The following DYNC1H1 variants were observed in gnomAD, a reference collection of about 807,000 sequenced individuals.
DYNC1H1 encodes the protein cytoplasmic dynein 1 heavy chain 1.
A neutral mutation model predicts 527.1 loss-of-function variants in DYNC1H1; 51 were observed. That is an observed-to-expected ratio of 0.10 (90% CI 0.08 to 0.12). The LOEUF is 0.12. Among genes scored for constraint, DYNC1H1 ranks in the 10% least tolerant of loss-of-function variants. The probability of loss-of-function intolerance (pLI) is 1.00; values close to 1 mark genes in which losing one functional copy is unlikely to be tolerated. For missense variants in DYNC1H1, 2,771 were observed against 5,971.8 expected, an observed-to-expected ratio of 0.46 and a Z score of 17.66; for synonymous variants, 2,189 against 2,278.8, an observed-to-expected ratio of 0.96 and a Z score of 1.12.
intron 10 of DYNC1H1, among the ~76,000 whole-genome samples, chr14:101,989,900 A>G (rs1190572924): frequency 6.6e-6 from 1 of 152,156 alleles, no homozygotes; most frequent in East Asian, 1.9e-4. Context: ...ACAATACCAT[A>G]TTTTTACTGT....
Position 102,049,694 on chromosome 14 carries a change from G to A in DYNC1H1, c.13516-20G>A. The A allele has an allele frequency of 6.2e-7, 1 of 1,613,882 alleles. No individual in the cohort carries two copies. Among genetic ancestry groups the A allele is most frequent in the Non-Finnish European group, 8.5e-7 (1 of 1,180,032 alleles). On this transcript the variant is annotated intron_variant, in intron 75 of 77. Coordinates refer to ENST00000360184, the MANE Select transcript of DYNC1H1 (RefSeq NM_001376.5). The surrounding 1 kb of genome is among the most constrained non-coding windows in gnomAD (Gnocchi z 5.5). ...GGTCTGACCTGAGCTCCTTCCCCTGGGGGCTGCTGCTTTCCACAGAACATC... is the reference window on the plus strand; with the variant it reads ...GGTCTGACCTGAGCTCCTTCCCCTGAGGGCTGCTGCTTTCCACAGAACATC...
In DYNC1H1 at chr14:101,986,920, G is replaced by A. The variant is rs749337050; in HGVS notation, c.2538+157G>A. Among the ~76,000 whole-genome samples, 3 of 152,198 alleles carry A rather than the reference G, an allele frequency of 2.0e-5. No individual in the cohort carries two copies. The highest frequency in any genetic ancestry group is 4.1e-4 in the South Asian group (2 of 4,830). On this transcript the variant is annotated intron_variant, in intron 8 of 77. Transcript: ENST00000360184. The surrounding 1 kb of genome is among the most constrained non-coding windows in gnomAD (Gnocchi z 8.7). ...GGGAGGAGGACCCTTTGTACTCACC[G>A]GGCTATTTAATGGTGCTGGGTTTTA...
chr14:101,968,100 C>A (rs904723277), intron 1 of DYNC1H1, among the ~76,000 whole-genome samples: 1 of 152,092 alleles, frequency 6.6e-6, no homozygotes, highest in Non-Finnish European at 1.5e-5. Context: ...CTTCAAGGAC[C>A]ATTTTTTGGT....
At position 102,005,370 on chromosome 14, in the gene DYNC1H1, C is replaced by CT; in HGVS notation, c.5433+135dup. The CT allele has an allele frequency of 7.9e-7, 1 of 1,263,892 alleles. No individual in the cohort carries two copies. Among genetic ancestry groups the CT allele is most frequent in the African/African-American group, 1.5e-5 (1 of 68,304 alleles). The allele number at this position is 1,263,892 out of a possible 1,614,324, so 78.3% of individuals were successfully genotyped here. On this transcript the variant is annotated intron_variant, in intron 26 of 77. Coordinates refer to ENST00000360184, the MANE Select transcript of DYNC1H1 (RefSeq NM_001376.5). The surrounding 1 kb of genome is among the most constrained non-coding windows in gnomAD (Gnocchi z 4.0). ...ACAGTGGATGGTGTATGGATATCCT[C>CT]TGAGGGTGGGCATTTGGCTCCCTGT...
Position 102,042,832 on chromosome 14 carries a change from GC to G in DYNC1H1, c.12513+89del. 7 of 1,481,302 alleles carry G rather than the reference GC, an allele frequency of 4.7e-6. No individual in the cohort carries two copies. The highest frequency in any genetic ancestry group is 1.9e-4 in the Middle Eastern group (1 of 5,206). The allele number at this position is 1,481,302 out of a possible 1,614,324, so 91.8% of individuals were successfully genotyped here. On this transcript the variant is annotated intron_variant, in intron 69 of 77. Coordinates refer to ENST00000360184, the MANE Select transcript of DYNC1H1 (RefSeq NM_001376.5). This position sits in a 1 kb window ranked among gnomAD's most constrained non-coding sequence, Gnocchi z 5.7. The stretch of plus-strand genomic sequence containing the variant: ...ACCAAATGCAGAAGTGGGTCCCTGG[GC>G]CCCCGGAAGTGCCGTGTGGTGAACT...
At chr14:101,991,786 TC>T in intron 11 of DYNC1H1, 113 bp downstream of exon 11, 1 of 1,466,646 alleles carries the variant, frequency 6.8e-7, no homozygotes. Flanking sequence ...GTTTACAAAC[TC>T]CAGACATCCC....
chr14:101,982,751 G>GAAAGC (rs2047883402), intron 5 of DYNC1H1, among the ~76,000 whole-genome samples: 1 of 126,946 alleles, frequency 7.9e-6, no homozygotes, highest in Non-Finnish European at 1.6e-5. Context: ...CACTGATATA[G>GAAAGC]AAAGCAAAGC....
intron 42 of DYNC1H1, 47 bp from the exon 43 acceptor site, chr14:102,022,704 C>T (rs1595620775): frequency 6.2e-7 from 1 of 1,613,458 alleles, no homozygotes; most frequent in South Asian, 1.1e-5. Flanking sequence ...GGTGCTTCTT[C>T]ACCGTGCCCT....
Position 102,011,743 on chromosome 14 carries a change from C to A in DYNC1H1, c.6619-132C>A. 2 of 939,408 alleles carry A rather than the reference C, an allele frequency of 2.1e-6. No individual in the cohort carries two copies. The highest frequency in any genetic ancestry group is 3.3e-6 in the Non-Finnish European group (2 of 604,478). 58.2% of individuals were successfully genotyped at this position (939,408 alleles called of 1,614,324 possible). Reference sequence around the variant, plus strand: ...TTCCAGTCTGGGTGACAGAGAGAGACTCCGTTTCAGGAAAAAAAAAAAAAT... The same window carrying A: ...TTCCAGTCTGGGTGACAGAGAGAGAATCCGTTTCAGGAAAAAAAAAAAAAT... On this transcript the variant is annotated intron_variant, in intron 32 of 77. Transcript: ENST00000360184. The surrounding 1 kb of genome is among the most constrained non-coding windows in gnomAD (Gnocchi z 5.3).
In DYNC1H1 at chr14:102,017,366, C is replaced by T; in HGVS notation, c.8056-17C>T. The T allele has an allele frequency of 6.2e-7, 1 of 1,614,230 alleles. No individual in the cohort carries two copies. The highest frequency in any genetic ancestry group is 8.5e-7 in the Non-Finnish European group (1 of 1,180,042). On this transcript the variant is annotated splice_polypyrimidine_tract_variant and intron_variant, in intron 39 of 77. Transcript: ENST00000360184. This position sits in a 1 kb window ranked among gnomAD's most constrained non-coding sequence, Gnocchi z 4.6. The stretch of plus-strand genomic sequence containing the variant: ...TTCAAGTTTTGCTCTTAATGTGGTA[C>T]CTGTCCCTTCCTTCAGATGGTGGAG...
rs2047649469 is a variant in DYNC1H1, at chr14:101,965,056, C to T, written c.256+109C>T. ...CCCCGGGATGGGAGGAGCCCGGCAG[C>T]TGCAGATGACCCCTGGATGGGCAGA... On this transcript the variant is annotated intron_variant, in intron 1 of 77. Transcript: ENST00000360184. The surrounding 1 kb of genome is among the most constrained non-coding windows in gnomAD (Gnocchi z 4.1). 2 of 1,225,594 alleles carry T rather than the reference C, an allele frequency of 1.6e-6. No individual in the cohort carries two copies. The highest frequency in any genetic ancestry group is 2.6e-5 in the East Asian group (1 of 38,222). The allele number at this position is 1,225,594 out of a possible 1,614,324, so 75.9% of individuals were successfully genotyped here.
Position 102,038,139 on chromosome 14 carries a change from C to T in DYNC1H1, c.10909-321C>T, listed in dbSNP as rs754177012. On this transcript the variant is annotated intron_variant, in intron 57 of 77. Transcript: ENST00000360184. This position sits in a 1 kb window ranked among gnomAD's most constrained non-coding sequence, Gnocchi z 7.2. ...ACTACAGGCATGTGCCATACACCCC[C>T]AGCTAACTTTCGTATTTTTAGTAGA... 1 of 385,782 alleles carries T rather than the reference C, an allele frequency of 2.6e-6. No individual in the cohort carries two copies. The highest frequency in any genetic ancestry group is 5.0e-6 in the Non-Finnish European group (1 of 200,956). 23.9% of individuals were successfully genotyped at this position (385,782 alleles called of 1,614,324 possible). A position where few individuals can be genotyped will look rare whatever the true frequency, so the allele number is the denominator to read the frequency against.
chr14:102,007,637 A>G (rs2048211909), intron 28 of DYNC1H1, among the ~76,000 whole-genome samples: 1 of 152,162 alleles, frequency 6.6e-6, no homozygotes, highest in African/African-American at 2.4e-5. Context: ...TAGTATTCCC[A>G]TTTCACAGAT....
chr14:101,987,733 A>G, intron 9 of DYNC1H1, 101 bp downstream of exon 9: 1 of 1,366,248 alleles, frequency 7.3e-7, no homozygotes, highest in Non-Finnish European at 1.0e-6. Flanking sequence ...CTTGGAAATT[A>G]TCTGTGATAG....
chr14:102,041,796 G>A lies in DYNC1H1; in HGVS notation c.12102+62G>A. ...TCCATGCCCACCTCCCCAGCCACAG[G>A]TGGCAGCAGCCCTGGCATCTGCTCT... On this transcript the variant is annotated intron_variant, in intron 65 of 77. Coordinates refer to ENST00000360184, the MANE Select transcript of DYNC1H1 (RefSeq NM_001376.5). The surrounding 1 kb of genome is among the most constrained non-coding windows in gnomAD (Gnocchi z 4.5). The A allele has an allele frequency of 6.2e-7, 1 of 1,611,102 alleles. No individual in the cohort carries two copies.
chr14:102,030,208 T>C lies in DYNC1H1; in HGVS notation c.9809T>C (p.Val3270Ala). The change falls in exon 51 of 78, where the codon GTA becomes GCA. Residue 3270 changes from valine to alanine, a missense_variant. By Grantham distance (64) the Val-to-Ala change is moderately conservative (BLOSUM62 0). Around this residue, in one of 32 missense-constraint regions of DYNC1H1, gnomAD observed 30 missense variants for 117.8 expected, o/e 0.25. Transcript: ENST00000360184. ...IQEQLHKQQE[V>A]IADKQMSVKE... ...GAACAGCTGCATAAGCAGCAGGAGG[T>C]AATTGCAGACAAACAGATGAGTGTC... 1 of 1,613,992 alleles carries C rather than the reference T, an allele frequency of 6.2e-7. No homozygotes were observed.
chr14:102,055,554 A>G lies in DYNC1H1; in HGVS notation c.*4991A>G. 1 of 150,158 alleles carries G rather than the reference A, an allele frequency of 6.7e-6. No homozygotes were observed. 9.3% of individuals were successfully genotyped at this position (150,158 alleles called of 1,614,324 possible). ...ACTGCCCTCCGGACATCTGTTCAGC[A>G]CCCCCCTCGACCTGGCCAAGGCTCC... On this transcript the variant is annotated 3_prime_UTR_variant, in exon 78 of 78. Transcript: ENST00000360184.
In DYNC1H1 at chr14:102,013,941, C is replaced by T. The variant is rs529061797; in HGVS notation, c.7015-1164C>T. ...TGAGGGAAAGGAATCAAGGATGATGCGAGGTTTCTGGCCTGATCAGCTTAT... is the reference window on the plus strand; with the variant it reads ...TGAGGGAAAGGAATCAAGGATGATGTGAGGTTTCTGGCCTGATCAGCTTAT... On this transcript the variant is annotated intron_variant, in intron 34 of 77. Coordinates refer to ENST00000360184, the MANE Select transcript of DYNC1H1 (RefSeq NM_001376.5). Among the ~76,000 whole-genome samples, 52 of 152,112 alleles carry T rather than the reference C, an allele frequency of 3.4e-4. 3 individuals are homozygous for T. Among genetic ancestry groups the T allele is most frequent in the Admixed American group, 3.3e-4 (5 of 15,266 alleles).
chr14:101,983,993 A>G lies in DYNC1H1; in HGVS notation c.1461+384A>G, dbSNP rs1228365548. Among the ~76,000 whole-genome samples, 16 of 151,842 alleles carry G rather than the reference A, an allele frequency of 1.1e-4. No individual in the cohort carries two copies. Among genetic ancestry groups the G allele is most frequent in the Admixed American group, 1.0e-3 (16 of 15,244 alleles). On this transcript the variant is annotated intron_variant, in intron 7 of 77. Transcript: ENST00000360184. The surrounding 1 kb of genome is among the most constrained non-coding windows in gnomAD (Gnocchi z 5.3). ...TGCCCAGCCTGTTTTTGTTTGAGAC[A>G]GTCTCATTCTGTTACCTAGGCTGGA...
Sources: gnomAD v4.1 joint callset for allele counts (sites outside exome capture counted in the v4.1 genomes callset) on GRCh38, gnomAD v4.1.1 for gene constraint, gnomAD v4.1.1 regional missense constraint, Gnocchi (gnomAD v3.1) non-coding constraint, MANE v1.5 for transcripts, NCBI Gene and HGNC (gene_info 2026-07-23, HGNC 2026-07-21) for gene names.